Variants in MPPED2 observed in about 807,000 individuals in gnomAD.
MPPED2 encodes the protein metallophosphoesterase domain containing 2.
In MPPED2, 5 loss-of-function variants were observed where a neutral mutation model predicts 33.0. The observed-to-expected ratio is 0.15, with a 90% CI of 0.08 to 0.32. MPPED2 has a LOEUF of 0.32. Ranked by LOEUF, MPPED2 falls within the 10% of genes least tolerant of loss-of-function variation. The pLI is 1.00. For synonymous variants in MPPED2, 136 were observed against 141.9 expected, an observed-to-expected ratio of 0.96 and a Z score of 0.29; for missense variants, 275 against 372.1, an observed-to-expected ratio of 0.74 and a Z score of 2.15.
chr11:30,479,163 G>T (rs1434919120), intron 4 of MPPED2, among the ~76,000 whole-genome samples: 1 of 151,958 alleles, frequency 6.6e-6, no homozygotes, highest in African/African-American at 2.4e-5. Context: ...GATCACACTG[G>T]CCAAAAGGGT....
chr11:30,573,435 TA>T (rs369088539), intron 2 of MPPED2, among the ~76,000 whole-genome samples: 21 of 152,224 alleles, frequency 1.4e-4, no homozygotes, highest in African/African-American at 5.1e-4. Context: ...TTCTACTTAT[TA>T]AAAAAACAAA....
chr11:30,416,074 A>G (rs1213277612), intron 5 of MPPED2, among the ~76,000 whole-genome samples: 1 of 152,232 alleles, frequency 6.6e-6, no homozygotes, highest in African/African-American at 2.4e-5. Flanking sequence ...GTTGTAAAAT[A>G]GGGAACTTAG....
At chr11:30,475,537 G>T (rs936767611) in intron 4 of MPPED2, among the ~76,000 whole-genome samples, 1 of 152,074 alleles carries the variant, frequency 6.6e-6, no homozygotes, top group African/African-American at 2.4e-5. Flanking sequence ...TATACAAATG[G>T]AATCACAGTA....
In MPPED2 at chr11:30,507,722, G is replaced by A. The variant is rs34408919; in HGVS notation, c.311-12201C>T. Reference sequence around the variant, plus strand: ...GAATCAGAGCCACTAAGACTTCCTGGGGGGTGTGAAATCATGAAGTCTCCT... The same window carrying A: ...GAATCAGAGCCACTAAGACTTCCTGAGGGGTGTGAAATCATGAAGTCTCCT... On this transcript the variant is annotated intron_variant, in intron 3 of 6. Coordinates refer to ENST00000358117, the MANE Select transcript of MPPED2 (RefSeq NM_001584.3). Among the ~76,000 whole-genome samples, 56 of 152,230 alleles carry A rather than the reference G, an allele frequency of 3.7e-4. No homozygotes were observed. The East Asian group carries it at 9.8e-3, about 27-fold the overall frequency.
downstream of MPPED2, among the ~76,000 whole-genome samples, chr11:30,409,565 T>C (rs1336837840): frequency 6.6e-6 from 1 of 152,222 alleles, no homozygotes; most frequent in African/African-American, 2.4e-5. Flanking sequence ...ATTCTGCTGG[T>C]ACTGAAATCA....
At chr11:30,499,444 A>G (rs547249264) in intron 3 of MPPED2, among the ~76,000 whole-genome samples, 2 of 152,312 alleles carry the variant, frequency 1.3e-5, no homozygotes, top group African/African-American at 4.8e-5. Context: ...AAAATGTTTC[A>G]GATTTTGGAA....
At chr11:30,578,059 T>C (rs1353100756) in intron 2 of MPPED2, among the ~76,000 whole-genome samples, 1 of 151,948 alleles carries the variant, frequency 6.6e-6, no homozygotes, top group African/African-American at 2.4e-5. Flanking sequence ...AAAATAATAA[T>C]GGAGGTGGTA....
intron 4 of MPPED2, among the ~76,000 whole-genome samples, chr11:30,423,616 C>T (rs544698531): frequency 2.0e-5 from 3 of 152,080 alleles, no homozygotes; most frequent in Non-Finnish European, 4.4e-5. Flanking sequence ...TCAAACAGAC[C>T]CAAGTTCAAG....
intron 3 of MPPED2, among the ~76,000 whole-genome samples, chr11:30,505,608 C>T (rs767073109): frequency 1.3e-5 from 2 of 152,200 alleles, no homozygotes; most frequent in African/African-American, 2.4e-5. Flanking sequence ...ACAACAAATT[C>T]GATCTGAACA....
intron 2 of MPPED2, among the ~76,000 whole-genome samples, chr11:30,578,960 T>G (rs1323691533): frequency 6.6e-6 from 1 of 151,736 alleles, no homozygotes; most frequent in Non-Finnish European, 1.5e-5. Flanking sequence ...TAAAGTTCTT[T>G]CAAATAGTTT....
At chr11:30,500,989 C>T (rs887659933) in intron 3 of MPPED2, among the ~76,000 whole-genome samples, 10 of 152,202 alleles carry the variant, frequency 6.6e-5, no homozygotes, top group African/African-American at 2.4e-4. Flanking sequence ...TCCTTCTCCC[C>T]AACATCCAGT....
chr11:30,582,647 T>C (rs1305679816), intron 1 of MPPED2, among the ~76,000 whole-genome samples: 2 of 152,186 alleles, frequency 1.3e-5, no homozygotes, highest in Non-Finnish European at 2.9e-5. Context: ...TTGTAGCAGT[T>C]AGCATGATAC....
At chr11:30,423,398 G>T (rs2074045278) in intron 4 of MPPED2, among the ~76,000 whole-genome samples, 1 of 152,300 alleles carries the variant, frequency 6.6e-6, no homozygotes, top group Non-Finnish European at 1.5e-5. Context: ...GGCACCTTCT[G>T]CAGGGATTAC....
At chr11:30,397,306 GT>G (rs1484202518) in intron 6 of MPPED2, among the ~76,000 whole-genome samples, 1 of 152,020 alleles carries the variant, frequency 6.6e-6, no homozygotes, top group Non-Finnish European at 1.5e-5. Flanking sequence ...TTTGGATCTT[GT>G]TATAAGTTTT....
At chr11:30,511,643 A>C (rs916064799) in intron 3 of MPPED2, among the ~76,000 whole-genome samples, 1 of 152,032 alleles carries the variant, frequency 6.6e-6, no homozygotes, top group Admixed American at 6.6e-5. Flanking sequence ...ACACACACAC[A>C]CCCCAGAGAT....
intron 3 of MPPED2, among the ~76,000 whole-genome samples, chr11:30,495,902 A>G (rs972165261): frequency 6.6e-6 from 1 of 152,232 alleles, no homozygotes; most frequent in Non-Finnish European, 1.5e-5. Flanking sequence ...TCCTCAAAAC[A>G]TAATCTAACC....
chr11:30,519,988 G>T (rs1475637376), intron 3 of MPPED2, among the ~76,000 whole-genome samples: 2 of 152,052 alleles, frequency 1.3e-5, no homozygotes, highest in African/African-American at 4.8e-5. Flanking sequence ...CTCAGAGGTT[G>T]TATATTTTAT....
intron 4 of MPPED2, among the ~76,000 whole-genome samples, chr11:30,425,005 A>C (rs1316423081): frequency 6.6e-6 from 1 of 152,180 alleles, no homozygotes; most frequent in East Asian, 1.9e-4. Flanking sequence ...CTCTCTCACC[A>C]GCTGTCTGAT....
chr11:30,411,821 T>C (rs1230931330), intron 6 of MPPED2, among the ~76,000 whole-genome samples: 5 of 152,166 alleles, frequency 3.3e-5, no homozygotes, highest in African/African-American at 7.2e-5. Flanking sequence ...TTTATTTAAA[T>C]GCTAAACTTG....
Sources: gnomAD v4.1 joint callset for allele counts (sites outside exome capture counted in the v4.1 genomes callset) on GRCh38, gnomAD v4.1.1 for gene constraint, MANE v1.5 for transcripts, NCBI Gene and HGNC (gene_info 2026-07-23, HGNC 2026-07-21) for gene names.